RNF180: variants seen among roughly 807,000 people sequenced by gnomAD.
The protein encoded by RNF180 is E3 ubiquitin-protein ligase RNF180.
RNF180 carries 38 observed loss-of-function variants against 59.2 expected under a neutral mutation model. That is an observed-to-expected ratio of 0.64 (90% CI 0.50 to 0.84). The LOEUF is 0.84. Among genes scored for constraint, RNF180 ranks in the 40% least tolerant of loss-of-function variants. The pLI is 0.00. For missense variants in RNF180, 705 were observed against 700.9 expected, an observed-to-expected ratio of 1.01 and a Z score of -0.07; for synonymous variants, 262 against 240.3, an observed-to-expected ratio of 1.09 and a Z score of -0.84.
chr5:64,310,073 C>T (rs1369987698), intron 5 of RNF180, among the ~76,000 whole-genome samples: 2 of 151,664 alleles, frequency 1.3e-5, no homozygotes, highest in African/African-American at 2.4e-5. Flanking sequence ...ATGAGACCAG[C>T]ATTACCCTCA....
intron 5 of RNF180, among the ~76,000 whole-genome samples, chr5:64,307,181 T>C (rs1230171917): frequency 6.7e-6 from 1 of 149,866 alleles, no homozygotes. Flanking sequence ...TCCCATCTAG[T>C]ATAAGACAAG....
intron 5 of RNF180, among the ~76,000 whole-genome samples, chr5:64,219,705 G>C (rs765387203): frequency 6.6e-6 from 1 of 151,588 alleles, no homozygotes; most frequent in Non-Finnish European, 1.5e-5. Context: ...ATTTTTAGTA[G>C]AGATGGGGTT....
At chr5:64,301,723 G>GTGTGTGTGTGTGTGTA (rs1282122748) in intron 5 of RNF180, among the ~76,000 whole-genome samples, 48 of 150,356 alleles carry the variant, frequency 3.2e-4, no homozygotes, top group African/African-American at 1.2e-3. Context: ...GTGTGTGTGT[G>GTGTGTGTGTGTGTGTA]TATAGTTTTC....
Position 64,214,218 on chromosome 5 carries a change from GCC to G in RNF180, c.897_898del (p.His300Ter), listed in dbSNP as rs756040374. ...TATGCTGCTGCAAAGATTTTCAGTGGCCCCCCATGAGACCCAGACACAAAGAG... is the reference window on the plus strand; with the variant it reads ...TATGCTGCTGCAAAGATTTTCAGTGGCCCCATGAGACCCAGACACAAAGAG... ...PSMLLQRFSV[A>X]PHETQTQRGG... On this transcript the variant is annotated frameshift_variant, in exon 4 of 8. Coordinates refer to ENST00000389100, the MANE Select transcript of RNF180 (RefSeq NM_001113561.2). LOFTEE classifies it high-confidence loss of function. 3 of 1,613,876 alleles carry G rather than the reference GCC, an allele frequency of 1.9e-6. No homozygotes were observed. The highest frequency in any genetic ancestry group is 2.5e-6 in the Non-Finnish European group (3 of 1,179,964).
chr5:64,301,712 T>A (rs1354670808), intron 5 of RNF180, among the ~76,000 whole-genome samples: 1 of 151,670 alleles, frequency 6.6e-6, no homozygotes, highest in East Asian at 1.9e-4. Context: ...TGTGTGTGTG[T>A]GTGTGTGTGT....
intron 5 of RNF180, among the ~76,000 whole-genome samples, chr5:64,253,207 A>G (rs1007791694): frequency 9.2e-5 from 14 of 152,176 alleles, no homozygotes; most frequent in African/African-American, 2.9e-4. Flanking sequence ...CACACTTGCT[A>G]GACTTAAACA....
chr5:64,206,191 C>T (rs62372471), intron 2 of RNF180, among the ~76,000 whole-genome samples: 3,569 of 152,218 alleles, frequency 0.023, 55 homozygotes, highest in Non-Finnish European at 0.038. Context: ...TAAAAGAAAT[C>T]GTTGGTCAAC....
At chr5:64,242,969 C>A (rs1742889954) in intron 5 of RNF180, among the ~76,000 whole-genome samples, 1 of 152,186 alleles carries the variant, frequency 6.6e-6, no homozygotes, top group African/African-American at 2.4e-5. Context: ...CATCACCTCA[C>A]CTGAGAAGCA....
At chr5:64,311,287 C>T (rs2112481259) in intron 5 of RNF180, among the ~76,000 whole-genome samples, 1 of 152,046 alleles carries the variant, frequency 6.6e-6, no homozygotes, top group East Asian at 1.9e-4. Flanking sequence ...TGATATAGTT[C>T]AAACTAAATA....
At chr5:64,279,348 CAG>C (rs1741886698) in intron 5 of RNF180, among the ~76,000 whole-genome samples, 2 of 152,042 alleles carry the variant, frequency 1.3e-5, no homozygotes. Flanking sequence ...AAAGAATAGA[CAG>C]AAGTGATCAG....
At chr5:64,328,917 G>A (rs564407775) in intron 6 of RNF180, among the ~76,000 whole-genome samples, 1 of 152,296 alleles carries the variant, frequency 6.6e-6, no homozygotes, top group South Asian at 2.1e-4. Context: ...TCTCAGGTTA[G>A]TAACTAGCTC....
At chr5:64,317,615 CACAT>C (rs1205209969) in intron 5 of RNF180, among the ~76,000 whole-genome samples, 11 of 113,650 alleles carry the variant, frequency 9.7e-5, no homozygotes, top group Non-Finnish European at 1.6e-4. Context: ...CACACACACA[CACAT>C]ATATACACAC....
chr5:64,179,556 A>T (rs1447005897), intron 1 of RNF180, among the ~76,000 whole-genome samples: 1 of 152,072 alleles, frequency 6.6e-6, no homozygotes, highest in Non-Finnish European at 1.5e-5. Context: ...TTTTTACTTA[A>T]AATAACTTTG....
chr5:64,334,826 G>A (rs1168919472), intron 7 of RNF180, among the ~76,000 whole-genome samples: 1 of 152,082 alleles, frequency 6.6e-6, no homozygotes, highest in Non-Finnish European at 1.5e-5. Flanking sequence ...CAATTGAGTG[G>A]TCCAATTTTT....
chr5:64,332,079 T>C (rs1469244837), intron 7 of RNF180, among the ~76,000 whole-genome samples: 1 of 152,134 alleles, frequency 6.6e-6, no homozygotes, highest in Non-Finnish European at 1.5e-5. Flanking sequence ...CCCCTTGCCA[T>C]TCTGCACCTG....
chr5:64,234,230 C>T (rs563084164), intron 5 of RNF180, among the ~76,000 whole-genome samples: 50 of 152,160 alleles, frequency 3.3e-4, no homozygotes, highest in Non-Finnish European at 6.3e-4. Flanking sequence ...CTTTGGATGC[C>T]GAGGTGGGTG....
chr5:64,187,267 C>G (rs529269204), intron 1 of RNF180, among the ~76,000 whole-genome samples: 2 of 152,240 alleles, frequency 1.3e-5, no homozygotes, highest in East Asian at 3.9e-4. Flanking sequence ...GTACTGGTAG[C>G]AAGTACAATG....
At chr5:64,272,215 A>C (rs1423993710) in intron 5 of RNF180, among the ~76,000 whole-genome samples, 3 of 152,094 alleles carry the variant, frequency 2.0e-5, no homozygotes, top group Non-Finnish European at 4.4e-5. Context: ...CTATGAGGAC[A>C]TATAAGTAGG....
intron 5 of RNF180, among the ~76,000 whole-genome samples, chr5:64,239,989 A>G (rs898348360): frequency 6.6e-6 from 1 of 152,150 alleles, no homozygotes; most frequent in East Asian, 1.9e-4. Context: ...AAACTCAGGA[A>G]CCAAATGGGT....
Sources: gnomAD v4.1 joint callset for allele counts (sites outside exome capture counted in the v4.1 genomes callset) on GRCh38, gnomAD v4.1.1 for gene constraint, MANE v1.5 for transcripts, NCBI Gene and HGNC (gene_info 2026-07-23, HGNC 2026-07-21) for gene names.